MATN1: variants seen among roughly 807,000 people sequenced by gnomAD.
MATN1 encodes the protein matrilin-1.
Under a neutral mutation model 41.3 loss-of-function variants are expected in MATN1, and 34 were observed. The ratio of observed to expected loss-of-function variants is 0.82; its 90% CI spans 0.63 to 1.10. The LOEUF (loss-of-function observed/expected upper bound fraction) is 1.10, where lower values mean the gene tolerates loss of function less well. Among genes scored for constraint, MATN1 ranks in the 50% least tolerant of loss-of-function variants. The pLI, the probability that MATN1 is intolerant of heterozygous loss-of-function variation, is 0.00. For synonymous variants in MATN1, 264 were observed against 278.7 expected, an observed-to-expected ratio of 0.95 and a Z score of 0.53; for missense variants, 602 against 662.4, an observed-to-expected ratio of 0.91 and a Z score of 1.00.
In MATN1 at chr1:30,714,262, C is replaced by A. The variant is rs1313744448; in HGVS notation, c.1426G>T (p.Ala476Ser). ...GAAGGGATATGTTTCCTGGTCAGGGCCTGCAGCAGCCCCTCCACTTTGGCT... is the reference window on the plus strand; with the variant it reads ...GAAGGGATATGTTTCCTGGTCAGGGACTGCAGCAGCCCCTCCACTTTGGCT... Reference protein sequence around the residue: ...FQAKVEGLLQALTRKLEAVSK... With the variant: ...FQAKVEGLLQSLTRKLEAVSK... Residue 476 changes from alanine (A) to serine (S), a missense_variant, in exon 7 of 8, where the codon GCC becomes TCC. Physicochemically the swap from Ala to Ser is moderately conservative, Grantham distance 99. Transcript: ENST00000373765. The A allele has an allele frequency of 6.2e-7, 1 of 1,607,692 alleles. No individual in the cohort carries two copies. Among genetic ancestry groups the A allele is most frequent in the Non-Finnish European group, 8.5e-7 (1 of 1,177,074 alleles).
chr1:30,715,859 T>C, intron 5 of MATN1, 50 bp downstream of exon 5: 3 of 1,568,138 alleles, frequency 1.9e-6, no homozygotes, highest in Non-Finnish European at 2.6e-6. Flanking sequence ...TATACCCGTG[T>C]GTACCCCTGG....
At chr1:30,715,382 G>T in intron 5 of MATN1, 73 bp from the exon 6 acceptor site, 1 of 1,521,620 alleles carries the variant, frequency 6.6e-7, no homozygotes, top group Non-Finnish European at 9.0e-7. Flanking sequence ...TCCTGGGGAA[G>T]GCTTAGGCAG....
intron 4 of MATN1, 23 bp from the exon 5 acceptor site, chr1:30,716,348 G>A (rs774569037): frequency 5.5e-5 from 88 of 1,604,326 alleles, no homozygotes; most frequent in South Asian, 7.7e-5. Flanking sequence ...GGAAGGCAAC[G>A]GGCTGAAGCT....
rs79516330 is a variant in MATN1 at position 30,712,684 on chromosome 1, G to T, written c.*898C>A. 0.083 allele frequency: 12,118 copies of T among 146,270 alleles called. 893 individuals are homozygous for T. The highest frequency in any genetic ancestry group is 0.32 in the East Asian group (1,618 of 5,128). The allele number at this position is 146,270 out of a possible 1,614,324, so 9.1% of individuals were successfully genotyped here. The stretch of plus-strand genomic sequence containing the variant: ...GTATGTCTCTTAGGGCAGGAACTAC[G>T]TCTGTCTCATACAGCACCATCCCCC... On this transcript the variant is annotated 3_prime_UTR_variant, in exon 8 of 8. Transcript: ENST00000373765.
rs769598342 is a variant in MATN1 at position 30,716,901 on chromosome 1, A to T, written c.679T>A (p.Cys227Ser). The T allele has an allele frequency of 6.2e-7, 1 of 1,613,232 alleles. No homozygotes were observed. The highest frequency in any genetic ancestry group is 1.3e-5 in the African/African-American group (1 of 74,950). The change falls in exon 4 of 8, where the codon TGC becomes AGC. Residue 227 changes from cysteine to serine, a missense_variant. Coordinates refer to ENST00000373765, the MANE Select transcript of MATN1 (RefSeq NM_002379.3). Reference sequence around the variant, plus strand: ...TCACAGTCATGGTCCCCTGTGGCGCACAGGTCTGACACCACTGCGGGGACA... The same window carrying T: ...TCACAGTCATGGTCCCCTGTGGCGCTCAGGTCTGACACCACTGCGGGGACA... ...QEAFCVVSDL[C>S]ATGDHDCEQV...
chr1:30,714,492 C>T (rs1400378871), intron 6 of MATN1, among the ~76,000 whole-genome samples, 165 bp from the exon 7 acceptor site: 1 of 152,164 alleles, frequency 6.6e-6, no homozygotes, highest in African/African-American at 2.4e-5. Flanking sequence ...TGAGACAGCA[C>T]CCTTAGGAGT....
Position 30,715,929 on chromosome 1 carries a change from G to A in MATN1, c.1187C>T (p.Ala396Val). Reference sequence around the variant, plus strand: ...CCTACCGAGGTCTTTGGCCTTCTTGGCAGCATCATTAATGTAGTCCTGGCT... The same window carrying A: ...CCTACCGAGGTCTTTGGCCTTCTTGACAGCATCATTAATGTAGTCCTGGCT... ...GRSQDYINDA[A>V]KKAKDLGFKM... is the part of the protein sequence containing the mutation. Residue 396 changes from alanine to valine, a missense_variant, in exon 5 of 8, where the codon GCC becomes GTC. Physicochemically the swap from Ala to Val is moderately conservative, Grantham distance 64. Coordinates refer to ENST00000373765, the MANE Select transcript of MATN1 (RefSeq NM_002379.3). The A allele has an allele frequency of 6.2e-7, 1 of 1,613,486 alleles. No individual in the cohort carries two copies. The highest frequency in any genetic ancestry group is 8.5e-7 in the Non-Finnish European group (1 of 1,179,474).
Position 30,716,075 on chromosome 1 carries a change from G to T in MATN1, c.1041C>A (p.Tyr347Ter). The change falls in exon 5 of 8, where the codon TAC becomes TAA. Residue 347 changes from tyrosine (Y) to a stop codon, truncating the protein, a stop_gained. Transcript: ENST00000373765. LOFTEE classifies it high-confidence loss of function. ...CCCCAGTCATTGTGCCCTTCTCCAT[G>T]TAGGACATATTCCGCACAGCCGCCT... is the stretch of plus-strand genomic sequence containing the variant. Reference protein sequence around the residue: ...DIKAAVRNMSYMEKGTMTGAA... With the variant: ...DIKAAVRNMS The T allele has an allele frequency of 6.2e-7, 1 of 1,614,226 alleles. No homozygotes were observed. Among genetic ancestry groups the T allele is most frequent in the Non-Finnish European group, 8.5e-7 (1 of 1,180,038 alleles).
Position 30,713,504 on chromosome 1 carries a change from G to T in MATN1, c.*78C>A. The T allele has an allele frequency of 6.8e-7, 1 of 1,462,524 alleles. No homozygotes were observed. The highest frequency in any genetic ancestry group is 9.4e-7 in the Non-Finnish European group (1 of 1,065,972). 90.6% of individuals were successfully genotyped at this position (1,462,524 alleles called of 1,614,324 possible). ...CACACCCCCTCCCACCCCCGGGCTG[G>T]CTTCCCTCACTAAAATGGTAAAGCT... On this transcript the variant is annotated 3_prime_UTR_variant, in exon 8 of 8. Transcript: ENST00000373765.
intron 5 of MATN1, 29 bp downstream of exon 5, chr1:30,715,880 T>A: frequency 6.3e-7 from 1 of 1,593,448 alleles, no homozygotes; most frequent in Non-Finnish European, 8.6e-7. Context: ...CCATCAGTGG[T>A]GTCCAGGGTC....
In MATN1 at chr1:30,721,598, A is replaced by T; in HGVS notation, c.248T>A (p.Val83Asp). ...VGPNATRVGM[V>D]NYASTVKQEF... ...CTGCTTCACGGTGCTGGCATAGTTG[A>T]CCATGCCCACCCGGGTGGCATTGGG... The change falls in exon 2 of 8, where the codon GTC (valine) becomes GAC (aspartate). Residue 83 changes from valine to aspartate, a missense_variant. Val to Asp is a radical substitution (Grantham distance 152). Coordinates refer to ENST00000373765, the MANE Select transcript of MATN1 (RefSeq NM_002379.3). 1.2e-6 allele frequency: 2 copies of T among 1,613,398 alleles called. No individual in the cohort carries two copies. Among genetic ancestry groups the T allele is most frequent in the Middle Eastern group, 3.3e-4 (2 of 6,062 alleles).
intron 2 of MATN1, 63 bp from the exon 3 acceptor site, chr1:30,719,020 G>A: frequency 8.0e-7 from 1 of 1,244,760 alleles, no homozygotes; most frequent in South Asian, 1.8e-5. Flanking sequence ...TCCAGGAGAG[G>A]AGGCTGAGGC....
intron 5 of MATN1, 78 bp from the exon 6 acceptor site, chr1:30,715,387 A>G (rs564710673): frequency 6.7e-7 from 1 of 1,493,094 alleles, no homozygotes; most frequent in Non-Finnish European, 9.2e-7. Flanking sequence ...GGGAAGGCTT[A>G]GGCAGCCAAC....
At position 30,713,565 on chromosome 1, in the gene MATN1, A is replaced by G. The variant is rs1403804273; in HGVS notation, c.*17T>C. The G allele has an allele frequency of 1.9e-6, 3 of 1,552,768 alleles. No homozygotes were observed. The highest frequency in any genetic ancestry group is 2.0e-5 in the Admixed American group (1 of 51,082). On this transcript the variant is annotated 3_prime_UTR_variant, in exon 8 of 8. Transcript: ENST00000373765. Reference sequence around the variant, plus strand: ...CGTGCAGGACGCTTGGAGAGGCCACAGTGGTGACAGGCAGCCTTAGACAAC... The same window carrying G: ...CGTGCAGGACGCTTGGAGAGGCCACGGTGGTGACAGGCAGCCTTAGACAAC...
rs1377780889 is a variant in MATN1, at chr1:30,723,557, T to TGGCAGCACG, written c.-15_-7dup. ...GTGCCAGAGAGGACCCTCATAGTTCTGGCAGCACGGGCAGCAGCCGGCACG... is the reference window on the plus strand; with the variant it reads ...GTGCCAGAGAGGACCCTCATAGTTCTGGCAGCACGGGCAGCACGGGCAGCAGCCGGCACG... On this transcript the variant is annotated 5_prime_UTR_variant, in exon 1 of 8. Transcript: ENST00000373765. 4 of 1,533,216 alleles carry TGGCAGCACG rather than the reference T, an allele frequency of 2.6e-6. No homozygotes were observed. Among genetic ancestry groups the TGGCAGCACG allele is most frequent in the African/African-American group, 2.8e-5 (2 of 71,978 alleles). The allele number at this position is 1,533,216 out of a possible 1,614,324, so 95.0% of individuals were successfully genotyped here. A position where few individuals can be genotyped will look rare whatever the true frequency, so the allele number is the denominator to read the frequency against.
chr1:30,713,988 C>A, intron 7 of MATN1: 1 of 584,022 alleles, frequency 1.7e-6, no homozygotes, highest in Non-Finnish European at 3.1e-6. Context: ...TTCTTCAGAG[C>A]ATGTCCAGGA....
At chr1:30,715,391 A>C in intron 5 of MATN1, 82 bp from the exon 6 acceptor site, 3 of 1,387,896 alleles carry the variant, frequency 2.2e-6, no homozygotes, top group Non-Finnish European at 3.0e-6. Flanking sequence ...AGGCTTAGGC[A>C]GCCAACACCA....
At chr1:30,723,384 C>T (rs1222101689) in intron 1 of MATN1, 74 bp downstream of exon 1, 30 of 1,172,204 alleles carry the variant, frequency 2.6e-5, no homozygotes, top group African/African-American at 2.1e-4. Flanking sequence ...CCTGCCATAT[C>T]GGTACCCAGC....
intron 1 of MATN1, among the ~76,000 whole-genome samples, chr1:30,722,942 C>T (rs1029036759): frequency 1.9e-4 from 29 of 152,190 alleles, no homozygotes; most frequent in African/African-American, 5.8e-4. Flanking sequence ...GAGGCTCTGG[C>T]GCTATCTCAC....
Sources: allele counts gnomAD v4.1 joint callset (sites outside exome capture counted in the v4.1 genomes callset), GRCh38; gene constraint gnomAD v4.1.1; transcripts MANE v1.5; gene names NCBI Gene and HGNC (gene_info 2026-07-23, HGNC 2026-07-21).